The following COL5A1 variants were observed in gnomAD, a reference collection of about 807,000 sequenced individuals.
COL5A1 encodes the protein collagen type V alpha 1 chain, also known as collagen alpha-1(V) chain.
Under a neutral mutation model 263.7 loss-of-function variants are expected in COL5A1, and 16 were observed. The ratio of observed to expected loss-of-function variants is 0.06; its 90% CI spans 0.04 to 0.09. COL5A1 has a LOEUF of 0.09. COL5A1 is among the 10% of genes least tolerant of loss of function. The probability of loss-of-function intolerance (pLI) is 1.00; values close to 1 mark genes in which losing one functional copy is unlikely to be tolerated. For synonymous variants in COL5A1, 1,012 were observed against 1,004.5 expected (o/e 1.01, Z -0.14); for missense variants, 2,036 against 2,540.5 (o/e 0.80, Z 4.27).
Position 134,825,852 on chromosome 9 carries a change from A to C in COL5A1, c.5015A>C (p.Asn1672Thr). ...AGGGATTCCTTCAAGGTTTACTGCA[A>C]CTTCACAGCCGGGGGGTCGACATGC... ...CSRDSFKVYCNFTAGGSTCVF... is the reference protein window; with the variant it reads ...CSRDSFKVYCTFTAGGSTCVF... Residue 1672 changes from asparagine to threonine, a missense_variant, in exon 63 of 66, where the codon AAC becomes ACC. Asn to Thr is a moderately conservative substitution (Grantham distance 65). Around this residue, in one of 3 missense-constraint regions of COL5A1, gnomAD observed 358 missense variants for 384.6 expected, o/e 0.93. Transcript: ENST00000371817. The C allele has an allele frequency of 6.2e-7, 1 of 1,613,446 alleles. No homozygotes were observed.
chr9:134,732,102 A>G lies in COL5A1; in HGVS notation c.1364A>G (p.Lys455Arg). The change falls in exon 9 of 66, where the codon AAG (lysine) becomes AGG (arginine). Residue 455 changes from lysine (K) to arginine (R), a missense_variant. Lys to Arg is a conservative substitution (Grantham distance 26). This residue lies in a region of COL5A1 where 600 missense variants were observed against 634.5 expected (regional missense o/e 0.95). Coordinates refer to ENST00000371817, the MANE Select transcript of COL5A1 (RefSeq NM_000093.5). ...GGACCTCGGGGCGAGAAAGGCCAAA[A>G]GGGAGAACCAGCGATTATCGAGCCG... is the stretch of plus-strand genomic sequence containing the variant. Reference protein sequence around the residue: ...IGGPRGEKGQKGEPAIIEPGM... With the variant: ...IGGPRGEKGQRGEPAIIEPGM... 1 of 1,614,210 alleles carries G rather than the reference A, an allele frequency of 6.2e-7. No homozygotes were observed. Among genetic ancestry groups the G allele is most frequent in the Non-Finnish European group, 8.5e-7 (1 of 1,180,026 alleles).
At chr9:134,748,052 T>C (rs1835626419) in intron 11 of COL5A1, among the ~76,000 whole-genome samples, 2 of 147,666 alleles carry the variant, frequency 1.4e-5, no homozygotes, top group African/African-American at 5.0e-5. Flanking sequence ...CATGCACACA[T>C]GCATTCACAC....
rs1158863140 is a variant in COL5A1 at position 134,796,920 on chromosome 9, G to T, written c.2898+19G>T. On this transcript the variant is annotated intron_variant, in intron 36 of 65. Coordinates refer to ENST00000371817, the MANE Select transcript of COL5A1 (RefSeq NM_000093.5). ...CCCCCCTGTAAGTAATGGCTTCCTT[G>T]CTGGGCCAGCACTGCCTGTCCCCTC... 1.2e-6 allele frequency: 2 copies of T among 1,611,834 alleles called. No individual in the cohort carries two copies. Among genetic ancestry groups the T allele is most frequent in the African/African-American group, 2.7e-5 (2 of 74,618 alleles).
intron 26 of COL5A1, among the ~76,000 whole-genome samples, chr9:134,773,932 C>T (rs1024983098): frequency 2.0e-5 from 3 of 152,318 alleles, no homozygotes; most frequent in East Asian, 1.9e-4. Flanking sequence ...ACCCAGTTCC[C>T]GCTGCCTCCA....
chr9:134,738,419 G>A (rs1835180381), intron 9 of COL5A1, 55 bp from the exon 10 acceptor site: 16 of 1,607,130 alleles, frequency 1.0e-5, no homozygotes, highest in Non-Finnish European at 1.4e-5. Context: ...ACTGGGGTCT[G>A]GGGTGTCGGG....
At position 134,705,953 on chromosome 9, in the gene COL5A1, G is replaced by T. The variant is rs570378432; in HGVS notation, c.654+4620G>T. ...AGCCCCAGCTAGGGCGAGTGCTCCGGGGCGCCTCCTGCCCGTACCTGCACC... is the reference window on the plus strand; with the variant it reads ...AGCCCCAGCTAGGGCGAGTGCTCCGTGGCGCCTCCTGCCCGTACCTGCACC... On this transcript the variant is annotated intron_variant, in intron 4 of 65. Coordinates refer to ENST00000371817, the MANE Select transcript of COL5A1 (RefSeq NM_000093.5). Among the ~76,000 whole-genome samples, 4 of 152,322 alleles carry T rather than the reference G, an allele frequency of 2.6e-5. No homozygotes were observed. The East Asian group carries it at 7.7e-4, about 29-fold the overall frequency.
chr9:134,665,787 T>C (rs1418495525), intron 1 of COL5A1, among the ~76,000 whole-genome samples: 1 of 152,152 alleles, frequency 6.6e-6, no homozygotes, highest in Non-Finnish European at 1.5e-5. Context: ...AAACAACTTG[T>C]GGTCTTAAAA....
chr9:134,815,829 G>A, intron 51 of COL5A1, 106 bp from the exon 52 acceptor site: 1 of 1,419,220 alleles, frequency 7.0e-7, no homozygotes. Flanking sequence ...GCTGGCACCA[G>A]AATGGATTTG....
At chr9:134,838,106 C>T (rs1235793455) in intron 65 of COL5A1, among the ~76,000 whole-genome samples, 1 of 152,152 alleles carries the variant, frequency 6.6e-6, no homozygotes, top group Non-Finnish European at 1.5e-5. Context: ...TGGGTCTGGT[C>T]CCGTCAGCCA....
At chr9:134,838,184 C>T (rs926250902) in intron 65 of COL5A1, among the ~76,000 whole-genome samples, 1 of 152,208 alleles carries the variant, frequency 6.6e-6, no homozygotes, top group Non-Finnish European at 1.5e-5. Context: ...CCCGACGGCT[C>T]TCTGATGGTG....
chr9:134,730,471 C>T lies in COL5A1; in HGVS notation c.1160C>T (p.Ser387Phe). Residue 387 changes from serine to phenylalanine, a missense_variant, in exon 7 of 66, where the codon TCC becomes TTC. By Grantham distance (155) the Ser-to-Phe change is radical (BLOSUM62 -2). Around this residue, in one of 3 missense-constraint regions of COL5A1, gnomAD observed 600 missense variants for 634.5 expected, o/e 0.95. Coordinates refer to ENST00000371817, the MANE Select transcript of COL5A1 (RefSeq NM_000093.5). ...PTSTADTSNS[S>F]NPAPPPGEGA... ...AGCACCGCCGACACCTCCAACTCCT[C>T]CAATGTAATTTCTTTCCTTCCCATT... 1 of 1,614,044 alleles carries T rather than the reference C, an allele frequency of 6.2e-7. No homozygotes were observed. The highest frequency in any genetic ancestry group is 8.5e-7 in the Non-Finnish European group (1 of 1,180,020).
In COL5A1 at chr9:134,641,996, G is replaced by A. The variant is rs954599172; in HGVS notation, c.-192G>A. 3 of 467,660 alleles carry A rather than the reference G, an allele frequency of 6.4e-6. No homozygotes were observed. Among genetic ancestry groups the A allele is most frequent in the Non-Finnish European group, 1.0e-5 (3 of 290,610 alleles). 29.0% of individuals were successfully genotyped at this position (467,660 alleles called of 1,614,324 possible). On this transcript the variant is annotated 5_prime_UTR_variant, in exon 1 of 66. Transcript: ENST00000371817. ...GCCAAAGTCGAGCCCTCCCGCCCGT[G>A]GGCGAGCGCGCCAGCCGCCCCTTCC...
At chr9:134,805,096 G>C in intron 40 of COL5A1, 32 bp downstream of exon 40, 1 of 1,613,622 alleles carries the variant, frequency 6.2e-7, no homozygotes, top group Non-Finnish European at 8.5e-7. Context: ...GAATGAAATG[G>C]GACAGGTGCA....
chr9:134,705,576 C>A (rs1301286656), intron 4 of COL5A1, among the ~76,000 whole-genome samples: 1 of 152,248 alleles, frequency 6.6e-6, no homozygotes, highest in Non-Finnish European at 1.5e-5. Flanking sequence ...GTGTCCTCAT[C>A]TGTAAAATGG....
intron 1 of COL5A1, among the ~76,000 whole-genome samples, chr9:134,664,535 G>GC (rs1373225037): frequency 6.6e-6 from 1 of 152,170 alleles, no homozygotes; most frequent in Non-Finnish European, 1.5e-5. Flanking sequence ...GACACACATG[G>GC]CAAGTTCTCA....
In COL5A1 at chr9:134,821,631, A is replaced by AT. The variant is rs1402888976; in HGVS notation, c.4555-463dup. On this transcript the variant is annotated intron_variant, in intron 58 of 65. Transcript: ENST00000371817. The surrounding 1 kb of genome is among the most constrained non-coding windows in gnomAD (Gnocchi z 4.2). ...CACGCTCCAAGGATGCAGAAAGCAC[A>AT]TTTACAGGCAGGACAGGACAGTCAG... Among the ~76,000 whole-genome samples the AT allele has an allele frequency of 6.6e-6, 1 of 152,122 alleles. No homozygotes were observed. Among genetic ancestry groups the AT allele is most frequent in the Non-Finnish European group, 1.5e-5 (1 of 68,020 alleles).
intron 6 of COL5A1, among the ~76,000 whole-genome samples, chr9:134,729,424 G>T (rs1449253385): frequency 6.6e-6 from 1 of 152,216 alleles, no homozygotes; most frequent in Non-Finnish European, 1.5e-5. Flanking sequence ...GGTGGGGTGT[G>T]AGCATGGGCG....
intron 20 of COL5A1, among the ~76,000 whole-genome samples, chr9:134,764,692 C>T (rs1030587711): frequency 8.5e-5 from 13 of 152,264 alleles, no homozygotes; most frequent in African/African-American, 2.9e-4. Flanking sequence ...ATAGCAGGCA[C>T]TGCATAGAGG....
chr9:134,802,749 C>T (rs1292461277), intron 38 of COL5A1, 139 bp from the exon 39 acceptor site: 6 of 714,526 alleles, frequency 8.4e-6, no homozygotes, highest in South Asian at 6.0e-5. Context: ...AGAAGGCTTG[C>T]AAAGGCACTT....
Sources: gnomAD v4.1 joint callset for allele counts (sites outside exome capture counted in the v4.1 genomes callset) on GRCh38, gnomAD v4.1.1 for gene constraint, gnomAD v4.1.1 regional missense constraint, Gnocchi (gnomAD v3.1) non-coding constraint, MANE v1.5 for transcripts, NCBI Gene and HGNC (gene_info 2026-07-23, HGNC 2026-07-21) for gene names.